GRM5: variants seen among roughly 807,000 people sequenced by gnomAD.
GRM5 encodes glutamate metabotropic receptor 5.
In GRM5, 19 loss-of-function variants were observed where a neutral mutation model predicts 83.1. That is an observed-to-expected ratio of 0.23 (90% CI 0.16 to 0.34). The LOEUF (loss-of-function observed/expected upper bound fraction) is 0.34. GRM5 is among the 10% of genes least tolerant of loss of function. The pLI is 1.00. For missense variants in GRM5, 1,160 were observed against 1,588.3 expected, an observed-to-expected ratio of 0.73 and a Z score of 4.58; for synonymous variants, 675 against 633.6, an observed-to-expected ratio of 1.07 and a Z score of -0.98.
At chr11:89,053,292 G>A (rs1941797803) in intron 1 of GRM5, among the ~76,000 whole-genome samples, 1 of 152,044 alleles carries the variant, frequency 6.6e-6, no homozygotes, top group African/African-American at 2.4e-5. Flanking sequence ...CTAATCTGAT[G>A]AGGCAGATAT....
chr11:88,797,867 T>G (rs1257780750), intron 3 of GRM5, among the ~76,000 whole-genome samples: 1 of 151,910 alleles, frequency 6.6e-6, no homozygotes, highest in East Asian at 1.9e-4. Context: ...TCTTCCTCTC[T>G]CTCTCTTGCC....
intron 7 of GRM5, among the ~76,000 whole-genome samples, chr11:88,576,100 G>A (rs576809979): frequency 1.1e-3 from 162 of 152,248 alleles, no homozygotes; most frequent in African/African-American, 3.8e-3. Context: ...ACATGGATAA[G>A]AGTGGAAAAA....
intron 3 of GRM5, among the ~76,000 whole-genome samples, chr11:88,836,917 C>T (rs1288626341): frequency 6.6e-6 from 1 of 152,124 alleles, no homozygotes; most frequent in Admixed American, 6.5e-5. Context: ...ATTCAGTTTG[C>T]CTTTGTTTCT....
chr11:88,571,880 T>C (rs1943010829), intron 7 of GRM5, among the ~76,000 whole-genome samples: 1 of 151,976 alleles, frequency 6.6e-6, no homozygotes, highest in Admixed American at 6.6e-5. Flanking sequence ...AAGAAACCAG[T>C]CAGAAGACTA....
intron 2 of GRM5, among the ~76,000 whole-genome samples, chr11:89,045,956 A>T (rs956681414): frequency 3.9e-5 from 6 of 151,998 alleles, no homozygotes; most frequent in African/African-American, 1.5e-4. Context: ...TCCCACCATG[A>T]CCCCCATAAC....
At chr11:88,720,939 A>ATAATT (rs1555001382) in intron 3 of GRM5, among the ~76,000 whole-genome samples, 2 of 152,068 alleles carry the variant, frequency 1.3e-5, no homozygotes, top group East Asian at 3.9e-4. Flanking sequence ...GTGTTTTTTC[A>ATAATT]TAATTTAAAA....
At chr11:88,985,988 C>T (rs1360868952) in intron 2 of GRM5, among the ~76,000 whole-genome samples, 1 of 152,008 alleles carries the variant, frequency 6.6e-6, no homozygotes. Context: ...ATAAACATTC[C>T]ACCACTATAC....
chr11:88,662,066 G>A (rs910295069), intron 3 of GRM5, among the ~76,000 whole-genome samples: 1 of 152,056 alleles, frequency 6.6e-6, no homozygotes, highest in Non-Finnish European at 1.5e-5. Flanking sequence ...CAAAAGAAGG[G>A]AAAAAGTCAG....
At chr11:88,859,543 C>A (rs989230907) in intron 2 of GRM5, among the ~76,000 whole-genome samples, 1 of 152,014 alleles carries the variant, frequency 6.6e-6, no homozygotes, top group Non-Finnish European at 1.5e-5. Flanking sequence ...CTATTATTTC[C>A]CACATTTCTA....
At chr11:89,043,275 A>G (rs1012672289) in intron 2 of GRM5, among the ~76,000 whole-genome samples, 2 of 152,322 alleles carry the variant, frequency 1.3e-5, no homozygotes, top group African/African-American at 4.8e-5. Context: ...TAAAGTCAGG[A>G]AAACTAGTGA....
At chr11:88,965,322 A>G (rs894482837) in intron 2 of GRM5, among the ~76,000 whole-genome samples, 5 of 152,040 alleles carry the variant, frequency 3.3e-5, no homozygotes, top group African/African-American at 1.2e-4. Context: ...TTCTATCCTC[A>G]CATGGAGGAA....
intron 2 of GRM5, among the ~76,000 whole-genome samples, chr11:88,926,362 A>T (rs1346084478): frequency 6.6e-6 from 1 of 152,204 alleles, no homozygotes; most frequent in Non-Finnish European, 1.5e-5. Context: ...ATGTTGAAAG[A>T]TAACATTTTA....
intron 2 of GRM5, among the ~76,000 whole-genome samples, chr11:88,902,633 A>G (rs1053625653): frequency 6.6e-6 from 1 of 152,118 alleles, no homozygotes; most frequent in Non-Finnish European, 1.5e-5. Flanking sequence ...GGAGAAAGAC[A>G]CCAAACAGAA....
intron 2 of GRM5, among the ~76,000 whole-genome samples, chr11:88,960,906 G>A (rs1305733130): frequency 6.6e-6 from 1 of 152,100 alleles, no homozygotes; most frequent in East Asian, 1.9e-4. Flanking sequence ...AAATATTCTA[G>A]ATGAAGCGGT....
intron 4 of GRM5, among the ~76,000 whole-genome samples, chr11:88,607,741 A>C (rs529910146): frequency 6.6e-6 from 1 of 152,286 alleles, no homozygotes; most frequent in South Asian, 2.1e-4. Flanking sequence ...ATCTTCAAAC[A>C]TGCTAGGCAT....
intron 4 of GRM5, among the ~76,000 whole-genome samples, chr11:88,637,056 A>G (rs1939147895): frequency 6.6e-6 from 1 of 152,110 alleles, no homozygotes; most frequent in African/African-American, 2.4e-5. Context: ...GTTCCATATG[A>G]ACTTTAAAGT....
chr11:88,940,219 T>C (rs1301325476), intron 2 of GRM5, among the ~76,000 whole-genome samples: 1 of 151,638 alleles, frequency 6.6e-6, no homozygotes, highest in Non-Finnish European at 1.5e-5. Flanking sequence ...TAATTTTCTT[T>C]GTGTTCTAGC....
chr11:88,897,780 G>A (rs531221380), intron 2 of GRM5, among the ~76,000 whole-genome samples: 5 of 151,982 alleles, frequency 3.3e-5, no homozygotes, highest in South Asian at 2.1e-4. Flanking sequence ...AAAATTTTCC[G>A]ATAAAAGGCA....
intron 1 of GRM5, among the ~76,000 whole-genome samples, chr11:89,064,888 C>CTCTGTGTGTGTGTGTGTG (rs1218318990): frequency 1.9e-4 from 12 of 62,264 alleles, no homozygotes; most frequent in African/African-American, 8.3e-4. Flanking sequence ...CTCTCTCTCT[C>CTCTGTGTGTGTGTGTGTG]TGTGTGTGTG....
Sources: allele counts gnomAD v4.1 joint callset (sites outside exome capture counted in the v4.1 genomes callset), GRCh38; gene constraint gnomAD v4.1.1; transcripts MANE v1.5; gene names NCBI Gene and HGNC (gene_info 2026-07-23, HGNC 2026-07-21).